C1QTNF7: variants seen among roughly 807,000 people sequenced by gnomAD.
C1QTNF7 encodes complement C1q tumor necrosis factor-related protein 7.
In C1QTNF7, 15 loss-of-function variants were observed where a neutral mutation model predicts 19.6. The observed-to-expected ratio is 0.76, with a 90% confidence interval of 0.51 to 1.18. The LOEUF (loss-of-function observed/expected upper bound fraction) is 1.18, where lower values mean the gene tolerates loss of function less well. C1QTNF7 is among the 50% of genes most tolerant of loss of function. The pLI is 0.00. For missense variants in C1QTNF7, 324 were observed against 359.7 expected, an observed-to-expected ratio of 0.90 and a Z score of 0.80; for synonymous variants, 142 against 137.5, an observed-to-expected ratio of 1.03 and a Z score of -0.23.
chr4:15,425,017 A>G (rs1711973461), upstream of C1QTNF7, among the ~76,000 whole-genome samples: 1 of 152,142 alleles, frequency 6.6e-6, no homozygotes, highest in South Asian at 2.1e-4. Flanking sequence ...AGCATTCAGC[A>G]TCTGACATAT....
At chr4:15,410,722 A>G (rs888092070) in intron 1 of C1QTNF7, among the ~76,000 whole-genome samples, 2 of 152,224 alleles carry the variant, frequency 1.3e-5, no homozygotes, top group African/African-American at 4.8e-5. Context: ...AGATTATGGT[A>G]TTAAACTAAC....
upstream of C1QTNF7, among the ~76,000 whole-genome samples, chr4:15,425,227 A>G (rs1025793036): frequency 6.6e-6 from 1 of 152,112 alleles, no homozygotes; most frequent in Non-Finnish European, 1.5e-5. Flanking sequence ...TTTAAAAAAT[A>G]TTAATGCCTA....
At chr4:15,393,649 C>T (rs535043078) in intron 1 of C1QTNF7, among the ~76,000 whole-genome samples, 2 of 152,280 alleles carry the variant, frequency 1.3e-5, no homozygotes, top group Non-Finnish European at 2.9e-5. Flanking sequence ...AGGTAGCTTC[C>T]TTGCTGTGTG....
chr4:15,355,692 G>C (rs1412440155), intron 1 of C1QTNF7, among the ~76,000 whole-genome samples: 1 of 152,194 alleles, frequency 6.6e-6, no homozygotes, highest in Non-Finnish European at 1.5e-5. Context: ...GCTGAAGCTT[G>C]AGAGGAAAGT....
chr4:15,362,317 T>C (rs1357255370), intron 1 of C1QTNF7: 1 of 152,112 alleles, frequency 6.6e-6, no homozygotes, highest in African/African-American at 2.4e-5. Flanking sequence ...TCTTCAACTT[T>C]TGATTAGTAA....
In C1QTNF7 at chr4:15,428,078, C is replaced by G. The variant is rs1712133951; in HGVS notation, c.-37C>G. ...CCTCAGTCTCTTGTGGATTTAGAAT[C>G]CTGCAGCAGCCCACCATCTAAGAGC... is the stretch of plus-strand genomic sequence containing the variant. On this transcript the variant is annotated 5_prime_UTR_variant, in exon 1 of 3. It adds an upstream start codon to the 5' untranslated region. Transcript: ENST00000444304. The G allele has an allele frequency of 1.0e-6, 1 of 985,408 alleles. No individual in the cohort carries two copies. The highest frequency in any genetic ancestry group is 1.7e-5 in the African/African-American group (1 of 57,352). 61.0% of individuals were successfully genotyped at this position (985,408 alleles called of 1,614,324 possible). A position where few individuals can be genotyped will look rare whatever the true frequency, so the allele number is the denominator to read the frequency against.
chr4:15,385,078 T>C (rs1185029472), intron 1 of C1QTNF7, among the ~76,000 whole-genome samples: 1 of 152,226 alleles, frequency 6.6e-6, no homozygotes, highest in Non-Finnish European at 1.5e-5. Context: ...CCCAAGCTCT[T>C]GTAAATAAGT....
At chr4:15,425,112 A>C (rs1418815860), upstream of C1QTNF7, among the ~76,000 whole-genome samples, 1 of 151,526 alleles carries the variant, frequency 6.6e-6, no homozygotes, top group Non-Finnish European at 1.5e-5. Flanking sequence ...TATCACTACA[A>C]CTCCCCGGTT....
chr4:15,395,269 G>A (rs531820576), intron 1 of C1QTNF7, among the ~76,000 whole-genome samples: 5 of 152,298 alleles, frequency 3.3e-5, no homozygotes, highest in African/African-American at 1.2e-4. Context: ...GTGATTTAGG[G>A]AAGAGGGAAT....
At chr4:15,388,210 T>C (rs999699443) in intron 1 of C1QTNF7, among the ~76,000 whole-genome samples, 5 of 152,160 alleles carry the variant, frequency 3.3e-5, no homozygotes, top group Admixed American at 1.3e-4. Flanking sequence ...GAAGAAGATA[T>C]GAAATGGTTA....
chr4:15,428,782 G>A (rs771753692), intron 1 of C1QTNF7, among the ~76,000 whole-genome samples: 2 of 152,186 alleles, frequency 1.3e-5, no homozygotes, highest in African/African-American at 2.4e-5. Flanking sequence ...AGTGCAACAA[G>A]AGAAACACAG....
intron 1 of C1QTNF7, among the ~76,000 whole-genome samples, chr4:15,361,572 G>T (rs1463679144): frequency 6.6e-6 from 1 of 152,078 alleles, no homozygotes; most frequent in African/African-American, 2.4e-5. Flanking sequence ...AGGTGTTTTT[G>T]CCTCTTGAGA....
intron 1 of C1QTNF7, among the ~76,000 whole-genome samples, chr4:15,381,253 C>G (rs1277235727): frequency 6.6e-6 from 1 of 151,260 alleles, no homozygotes; most frequent in Admixed American, 6.6e-5. Flanking sequence ...CTGTCTCTAC[C>G]AAAAATACAA....
At chr4:15,423,910 C>T (rs146421934), upstream of C1QTNF7, among the ~76,000 whole-genome samples, 67 of 152,272 alleles carry the variant, frequency 4.4e-4, no homozygotes, top group African/African-American at 1.4e-3. Flanking sequence ...CTGGGTTGTC[C>T]GGCTAAACAC....
intron 1 of C1QTNF7, among the ~76,000 whole-genome samples, chr4:15,350,386 T>C (rs906222724): frequency 7.2e-6 from 1 of 139,616 alleles, no homozygotes; most frequent in Non-Finnish European, 1.6e-5. Context: ...TGAATTTTTC[T>C]TCACTTTTTC....
At chr4:15,388,727 T>C (rs994049851) in intron 1 of C1QTNF7, among the ~76,000 whole-genome samples, 6 of 152,150 alleles carry the variant, frequency 3.9e-5, no homozygotes, top group African/African-American at 1.4e-4. Flanking sequence ...CCAGGATATG[T>C]GATGAGTCTT....
intron 1 of C1QTNF7, among the ~76,000 whole-genome samples, chr4:15,398,367 AC>A (rs533780099): frequency 5.3e-5 from 8 of 151,054 alleles, no homozygotes; most frequent in South Asian, 2.1e-4. Context: ...ATTATTGACC[AC>A]CCCCCCTCCC....
At chr4:15,349,660 T>C (rs1178863231) in intron 1 of C1QTNF7, among the ~76,000 whole-genome samples, 3 of 152,212 alleles carry the variant, frequency 2.0e-5, no homozygotes, top group Non-Finnish European at 4.4e-5. Context: ...GTATTCTCTC[T>C]TGAGCTCTGG....
At chr4:15,343,050 C>A (rs1041385137) in intron 1 of C1QTNF7, among the ~76,000 whole-genome samples, 6 of 152,292 alleles carry the variant, frequency 3.9e-5, no homozygotes, top group African/African-American at 1.4e-4. Context: ...AAATGCCTGA[C>A]ATATAATGAG....
Sources: allele counts gnomAD v4.1 joint callset (sites outside exome capture counted in the v4.1 genomes callset), GRCh38; gene constraint gnomAD v4.1.1; transcripts MANE v1.5; gene names NCBI Gene and HGNC (gene_info 2026-07-23, HGNC 2026-07-21).